TMEM38A: variants seen among roughly 807,000 people sequenced by gnomAD.
The protein encoded by TMEM38A is trimeric intracellular cation channel type A.
TMEM38A carries 17 observed loss-of-function variants against 28.6 expected under a neutral mutation model. The observed-to-expected ratio is 0.60, with a 90% confidence interval of 0.41 to 0.89. The LOEUF (loss-of-function observed/expected upper bound fraction) is 0.89. Among genes scored for constraint, TMEM38A ranks in the 40% least tolerant of loss-of-function variants. The probability of loss-of-function intolerance (pLI) is 0.00; values close to 1 mark genes in which losing one functional copy is unlikely to be tolerated. For missense variants in TMEM38A, 328 were observed against 393.1 expected, an observed-to-expected ratio of 0.83 and a Z score of 1.40; for synonymous variants, 169 against 166.1, an observed-to-expected ratio of 1.02 and a Z score of -0.14.
intron 4 of TMEM38A, among the ~76,000 whole-genome samples, chr19:16,685,410 G>A (rs1389966864): frequency 2.0e-5 from 3 of 152,012 alleles, no homozygotes; most frequent in Admixed American, 1.3e-4. Flanking sequence ...AATCAGCAGG[G>A]GCAAAATGTG....
chr19:16,665,977 T>G (rs1218034629), intron 1 of TMEM38A, among the ~76,000 whole-genome samples: 3 of 151,686 alleles, frequency 2.0e-5, no homozygotes, highest in Non-Finnish European at 4.4e-5. Flanking sequence ...CCCAGCTAAT[T>G]TTTTTGTTTT....
intron 1 of TMEM38A, among the ~76,000 whole-genome samples, chr19:16,676,702 G>T (rs1052077346): frequency 3.3e-5 from 5 of 151,084 alleles, no homozygotes; most frequent in East Asian, 1.9e-4. Flanking sequence ...CAAGATGCAA[G>T]GATTTAGTGA....
In TMEM38A at chr19:16,679,589, G is replaced by A. The variant is rs571339406; in HGVS notation, c.125-395G>A. ...ATTACAGGTGTGAGCCACCATGCCC[G>A]GCCCAGAGTAGCAATTTCAAAGTAC... On this transcript the variant is annotated intron_variant, in intron 1 of 5. Transcript: ENST00000187762. 7.9e-5 allele frequency among the ~76,000 whole-genome samples: 12 copies of A among 152,068 alleles called. No individual in the cohort carries two copies. The South Asian group carries it at 2.1e-3, about 26-fold the overall frequency.
At chr19:16,665,091 T>A (rs1470953105) in intron 1 of TMEM38A, among the ~76,000 whole-genome samples, 7 of 151,900 alleles carry the variant, frequency 4.6e-5, no homozygotes, top group African/African-American at 4.8e-5. Flanking sequence ...GGTCGGGAGT[T>A]CAAGACCAGC....
chr19:16,670,236 G>A (rs2086721010), intron 1 of TMEM38A, among the ~76,000 whole-genome samples: 1 of 149,500 alleles, frequency 6.7e-6, no homozygotes, highest in Non-Finnish European at 1.5e-5. Flanking sequence ...CCAAAGTGCT[G>A]GGATTACAGG....
In TMEM38A at chr19:16,682,505, C is replaced by CT. The variant is rs750914355; in HGVS notation, c.554dup (p.Thr187HisfsTer38). On this transcript the variant is annotated frameshift_variant, in exon 4 of 6. Transcript: ENST00000187762. LOFTEE classifies it high-confidence loss of function. ...GAGACCAACGAGATCCTGCACATGT[C>CT]TTTGTGAGTATCCCACTCCACCTCT... 6.2e-7 allele frequency: 1 copy of CT among 1,614,020 alleles called. No homozygotes were observed. Among genetic ancestry groups the CT allele is most frequent in the South Asian group, 1.1e-5 (1 of 91,078 alleles).
rs2086813104 is a variant in TMEM38A at position 16,688,782 on chromosome 19, C to T, written c.*411C>T. ...CCGAGGCGGGCAGATCACCTGAGGTCAGGAGTTCAAGACCAGCTTGGCCAA... is the reference window on the plus strand; with the variant it reads ...CCGAGGCGGGCAGATCACCTGAGGTTAGGAGTTCAAGACCAGCTTGGCCAA... On this transcript the variant is annotated 3_prime_UTR_variant, in exon 6 of 6. Coordinates refer to ENST00000187762, the MANE Select transcript of TMEM38A (RefSeq NM_024074.4). 6.5e-6 allele frequency: 1 copy of T among 153,406 alleles called. No individual in the cohort carries two copies. Among genetic ancestry groups the T allele is most frequent in the South Asian group, 2.1e-4 (1 of 4,860 alleles). The allele number at this position is 153,406 out of a possible 1,614,324, so 9.5% of individuals were successfully genotyped here. A position where few individuals can be genotyped will look rare whatever the true frequency, so the allele number is the denominator to read the frequency against.
chr19:16,666,904 G>A (rs1388424483), intron 1 of TMEM38A, among the ~76,000 whole-genome samples: 1 of 150,288 alleles, frequency 6.7e-6, no homozygotes, highest in Non-Finnish European at 1.5e-5. Context: ...AGTGAGCTGA[G>A]ATCGCACCAC....
rs2122569291 is a variant in TMEM38A, at chr19:16,661,641, A to AT, written c.124+300_124+301insT. Among the ~76,000 whole-genome samples the AT allele has an allele frequency of 6.6e-6, 1 of 151,850 alleles. No homozygotes were observed. Among genetic ancestry groups the AT allele is most frequent in the Non-Finnish European group, 1.5e-5 (1 of 67,918 alleles). ...CTCCTGGTTGGGTCAGAGCTGCAGG[A>AT]ACTTGGGCAAGGGGCGCCGGCTGTG... On this transcript the variant is annotated intron_variant, in intron 1 of 5. Coordinates refer to ENST00000187762, the MANE Select transcript of TMEM38A (RefSeq NM_024074.4). This position sits in a 1 kb window ranked among gnomAD's most constrained non-coding sequence, Gnocchi z 6.5.
intron 4 of TMEM38A, among the ~76,000 whole-genome samples, chr19:16,683,150 T>C (rs1353345117): frequency 1.3e-5 from 2 of 151,916 alleles, no homozygotes; most frequent in Non-Finnish European, 2.9e-5. Context: ...ATTTTTGTAT[T>C]TTGAGTAGAG....
At position 16,680,517 on chromosome 19, in the gene TMEM38A, C is replaced by G. The variant is rs1568316190; in HGVS notation, c.402C>G (p.Ile134Met). The G allele has an allele frequency of 2.5e-6, 4 of 1,614,168 alleles. No individual in the cohort carries two copies. The highest frequency in any genetic ancestry group is 2.5e-6 in the Non-Finnish European group (3 of 1,180,026). The change falls in exon 3 of 6, where the codon ATC becomes ATG. Residue 134 changes from isoleucine (I) to methionine (M), a missense_variant. Coordinates refer to ENST00000187762, the MANE Select transcript of TMEM38A (RefSeq NM_024074.4). Reference protein sequence around the residue: ...VVRVRKIAVGIHHAHHHYHHG... With the variant: ...VVRVRKIAVGMHHAHHHYHHG... Reference sequence around the variant, plus strand: ...GAGTCCGCAAGATCGCGGTGGGCATCCATCACGCCCATCACCACTACCACC... The same window carrying G: ...GAGTCCGCAAGATCGCGGTGGGCATGCATCACGCCCATCACCACTACCACC...
In TMEM38A at chr19:16,661,239, A is replaced by C; in HGVS notation, c.22A>C (p.Ser8Arg). The change falls in exon 1 of 6, where the codon AGC (serine) becomes CGC (arginine). Residue 8 changes from serine to arginine, a missense_variant. Physicochemically the swap from Ser to Arg is moderately radical, Grantham distance 110. Transcript: ENST00000187762. The surrounding 1 kb of genome is among the most constrained non-coding windows in gnomAD (Gnocchi z 6.5). ...CGCCATGGAGCTGCTCTCGGCGCTG[A>C]GCCTGGGCGAACTGGCGCTCAGCTT... MELLSAL[S>R]LGELALSFSR... 6.3e-7 allele frequency: 1 copy of C among 1,585,016 alleles called. No homozygotes were observed. The highest frequency in any genetic ancestry group is 1.4e-5 in the African/African-American group (1 of 72,760).
chr19:16,687,382 G>A (rs1263622814), intron 5 of TMEM38A, among the ~76,000 whole-genome samples: 9 of 152,114 alleles, frequency 5.9e-5, no homozygotes, highest in East Asian at 1.9e-4. Flanking sequence ...TTAACCAGGC[G>A]TGGTGGCGCA....
chr19:16,685,834 T>C (rs887877650), intron 4 of TMEM38A, among the ~76,000 whole-genome samples: 1 of 152,210 alleles, frequency 6.6e-6, no homozygotes, highest in African/African-American at 2.4e-5. Flanking sequence ...TAACCCATCA[T>C]GCATAGGATG....
intron 1 of TMEM38A, among the ~76,000 whole-genome samples, chr19:16,662,384 T>G (rs1442209530): frequency 6.6e-6 from 1 of 151,082 alleles, no homozygotes; most frequent in East Asian, 1.9e-4. Flanking sequence ...CCACCTTTCT[T>G]GATGTCTCTT....
At chr19:16,683,134 C>T (rs536236669) in intron 4 of TMEM38A, among the ~76,000 whole-genome samples, 90 of 152,108 alleles carry the variant, frequency 5.9e-4, no homozygotes, top group Non-Finnish European at 1.1e-3. Flanking sequence ...CCACCATGCC[C>T]GGCTAATTTT....
At chr19:16,676,798 T>G (rs1294359686) in intron 1 of TMEM38A, among the ~76,000 whole-genome samples, 2 of 147,704 alleles carry the variant, frequency 1.4e-5, no homozygotes, top group African/African-American at 2.5e-5. Flanking sequence ...TCGCTGTTGT[T>G]GGCCTGGGCT....
Position 16,680,725 on chromosome 19 carries a change from T to C in TMEM38A, c.466+144T>C, listed in dbSNP as rs893894598. 5.1e-5 allele frequency: 35 copies of C among 691,912 alleles called. No homozygotes were observed. In the Admixed American group the frequency reaches 8.7e-4, roughly 17 times the overall value. 42.9% of individuals were successfully genotyped at this position (691,912 alleles called of 1,614,324 possible). A position where few individuals can be genotyped will look rare whatever the true frequency, so the allele number is the denominator to read the frequency against. ...GTAGGTGTTCAAACCTCCCTACAGGTATCAGCCGATACCTTTAGGGTAAAT... is the reference window on the plus strand; with the variant it reads ...GTAGGTGTTCAAACCTCCCTACAGGCATCAGCCGATACCTTTAGGGTAAAT... On this transcript the variant is annotated intron_variant, in intron 3 of 5. Transcript: ENST00000187762.
At chr19:16,685,620 G>A (rs2086798562) in intron 4 of TMEM38A, among the ~76,000 whole-genome samples, 1 of 152,162 alleles carries the variant, frequency 6.6e-6, no homozygotes, top group African/African-American at 2.4e-5. Context: ...CTGTGTGGCT[G>A]ACCTCAGTCT....
Sources: gnomAD v4.1 joint callset for allele counts (sites outside exome capture counted in the v4.1 genomes callset) on GRCh38, gnomAD v4.1.1 for gene constraint, Gnocchi (gnomAD v3.1) non-coding constraint, MANE v1.5 for transcripts, NCBI Gene and HGNC (gene_info 2026-07-23, HGNC 2026-07-21) for gene names.